The following ZNF585B variants were observed in gnomAD, a reference collection of about 807,000 sequenced individuals.
ZNF585B encodes the protein zinc finger protein 41-like protein.
Under a neutral mutation model 14.0 loss-of-function variants are expected in ZNF585B, and 7 were observed. The observed-to-expected ratio is 0.50, with a 90% confidence interval of 0.28 to 0.94. The LOEUF is 0.94. Ranked by LOEUF, ZNF585B falls within the 40% of genes least tolerant of loss-of-function variation. The pLI is 0.09. For missense variants in ZNF585B, 750 were observed against 924.4 expected, an observed-to-expected ratio of 0.81 and a Z score of 2.45; for synonymous variants, 290 against 317.3, an observed-to-expected ratio of 0.91 and a Z score of 0.91.
Position 37,187,060 on chromosome 19 carries a change from T to C in ZNF585B, c.477A>G (p.Val159=). The stretch of plus-strand genomic sequence containing the variant: ...CAAAAGCCCTCCCACATTCAATACA[T>C]ACATAGAGTTTTTCTCCTGTAGGAA... ...LKVPTGEKLY[V]CIECGRAFVQ... The change falls in exon 5 of 5, where the codon GTA becomes GTG. Residue 159 remains valine, a synonymous_variant. Coordinates refer to ENST00000532828, the MANE Select transcript of ZNF585B (RefSeq NM_152279.4). 9 of 1,613,686 alleles carry C rather than the reference T, an allele frequency of 5.6e-6. No individual in the cohort carries two copies. Among genetic ancestry groups the C allele is most frequent in the Non-Finnish European group, 6.8e-6 (8 of 1,179,914 alleles).
rs1972595077 is a variant in ZNF585B at position 37,207,112 on chromosome 19, G to A, written c.-1C>T. On this transcript the variant is annotated 5_prime_UTR_variant, in exon 2 of 5. Coordinates refer to ENST00000532828, the MANE Select transcript of ZNF585B (RefSeq NM_152279.4). The stretch of plus-strand genomic sequence containing the variant: ...GGGGTGAGGTCCAACTAGCTGGCAT[G>A]GCCACACTGGATCTCAACCCTTTTT... 6.2e-7 allele frequency: 1 copy of A among 1,614,088 alleles called. No homozygotes were observed.
chr19:37,192,407 C>T (rs1319499266), intron 2 of ZNF585B, among the ~76,000 whole-genome samples: 1 of 151,870 alleles, frequency 6.6e-6, no homozygotes. Context: ...GGGGACATTG[C>T]CCAGCAAAGA....
At chr19:37,200,798 G>GA (rs1392971749) in intron 2 of ZNF585B, among the ~76,000 whole-genome samples, 3 of 148,722 alleles carry the variant, frequency 2.0e-5, no homozygotes, top group African/African-American at 7.4e-5. Context: ...AAGAACAAAA[G>GA]AAAAAACAGA....
intron 2 of ZNF585B, chr19:37,199,351 A>T (rs1053408327): frequency 8.5e-6 from 3 of 354,146 alleles, no homozygotes; most frequent in Admixed American, 3.6e-5. Context: ...ACATGGTGAA[A>T]CTGTCTCTAC....
At chr19:37,207,973 C>T (rs1972604229) in intron 1 of ZNF585B, among the ~76,000 whole-genome samples, 1 of 151,994 alleles carries the variant, frequency 6.6e-6, no homozygotes, top group Non-Finnish European at 1.5e-5. Flanking sequence ...CTCCACCTCA[C>T]ACAATATTTT....
intron 2 of ZNF585B, among the ~76,000 whole-genome samples, chr19:37,196,971 G>A (rs766860907): frequency 5.3e-5 from 8 of 152,178 alleles, no homozygotes; most frequent in Non-Finnish European, 1.0e-4. Context: ...GTATAATTGC[G>A]GTTTCTGCCA....
chr19:37,209,564 T>C (rs1972623902), intron 1 of ZNF585B, among the ~76,000 whole-genome samples: 2 of 152,024 alleles, frequency 1.3e-5, no homozygotes, highest in South Asian at 4.1e-4. Context: ...ATATATAACA[T>C]ATGATTAATA....
At chr19:37,188,396 G>T (rs1041058552) in intron 4 of ZNF585B, among the ~76,000 whole-genome samples, 13 of 152,328 alleles carry the variant, frequency 8.5e-5, no homozygotes, top group Admixed American at 8.5e-4. Flanking sequence ...TGAGGCAAGA[G>T]AATCGCTTGA....
At chr19:37,190,380 G>C in intron 2 of ZNF585B, 1 of 403,114 alleles carries the variant, frequency 2.5e-6, no homozygotes, top group Non-Finnish European at 4.4e-6. Flanking sequence ...TGAGTAGCTG[G>C]GATTACAGGC....
intron 2 of ZNF585B, among the ~76,000 whole-genome samples, chr19:37,190,627 G>C (rs187777477): frequency 7.3e-5 from 11 of 149,848 alleles, no homozygotes; most frequent in Admixed American, 4.0e-4. Flanking sequence ...GTGCAATGGC[G>C]TGATCTTGGC....
intron 3 of ZNF585B, 27 bp from the exon 4 acceptor site, chr19:37,189,780 G>A: frequency 6.2e-7 from 1 of 1,613,750 alleles, no homozygotes; most frequent in Non-Finnish European, 8.5e-7. Flanking sequence ...ATAAAGGTCT[G>A]GGTCCAGCTA....
chr19:37,192,506 CAA>C (rs373034059), intron 2 of ZNF585B, among the ~76,000 whole-genome samples: 6 of 127,786 alleles, frequency 4.7e-5, no homozygotes, highest in Admixed American at 8.0e-5. Context: ...GAACCTGTCT[CAA>C]AAAAAAAAAA....
At chr19:37,187,803 G>GGT (rs1972355977) in intron 4 of ZNF585B, among the ~76,000 whole-genome samples, 2 of 152,088 alleles carry the variant, frequency 1.3e-5, no homozygotes, top group African/African-American at 2.4e-5. Context: ...TCATGAGAAG[G>GGT]GTGTGACACT....
chr19:37,187,059 A>G lies in ZNF585B; in HGVS notation c.478T>C (p.Cys160Arg), dbSNP rs771018129. The change falls in exon 5 of 5, where the codon TGT (cysteine) becomes CGT (arginine). Residue 160 changes from cysteine to arginine, a missense_variant. Physicochemically the swap from Cys to Arg is radical, Grantham distance 180. Transcript: ENST00000532828. Reference protein sequence around the residue: ...KVPTGEKLYVCIECGRAFVQK... With the variant: ...KVPTGEKLYVRIECGRAFVQK... ...ACAAAAGCCCTCCCACATTCAATAC[A>G]TACATAGAGTTTTTCTCCTGTAGGA... The G allele has an allele frequency of 3.1e-6, 5 of 1,613,606 alleles. No individual in the cohort carries two copies. Among genetic ancestry groups the G allele is most frequent in the Admixed American group, 1.7e-5 (1 of 59,876 alleles).
In ZNF585B at chr19:37,190,123, T is replaced by C. The variant is rs539951974; in HGVS notation, c.100A>G (p.Ile34Val). ...CGCCATTCCTCTCTGCTGAAATCGA[T>C]AGCCACATCCCTGAAGGACACTGAT... ...EGSVSFRDVAIDFSREEWRHL... is the reference protein window; with the variant it reads ...EGSVSFRDVAVDFSREEWRHL... Residue 34 changes from isoleucine (I) to valine (V), a missense_variant, in exon 3 of 5, where the codon ATC becomes GTC. Transcript: ENST00000532828. The C allele has an allele frequency of 3.1e-6, 5 of 1,614,212 alleles. No individual in the cohort carries two copies. The highest frequency in any genetic ancestry group is 1.6e-4 in the Middle Eastern group (1 of 6,062).
At chr19:37,187,315 T>C in intron 4 of ZNF585B, 71 bp from the exon 5 acceptor site, 8 of 1,155,720 alleles carry the variant, frequency 6.9e-6, no homozygotes, top group Non-Finnish European at 9.7e-6. Flanking sequence ...TAACATTCTT[T>C]GAAGCATCGT....
chr19:37,186,724 G>A lies in ZNF585B; in HGVS notation c.813C>T (p.Ile271=). Residue 271 remains isoleucine (I), a synonymous_variant, in exon 5 of 5, where the codon ATC becomes ATT. Transcript: ENST00000532828. ...TGAAGGCCTGCCCGCATTCAATACAGATGTAGGATCTCTCGCCTGTATGGA... is the reference window on the plus strand; with the variant it reads ...TGAAGGCCTGCCCGCATTCAATACAAATGTAGGATCTCTCGCCTGTATGGA... ...QKIHTGERSY[I]CIECGQAFIQ... is the part of the protein sequence containing the mutation. 2 of 1,614,190 alleles carry A rather than the reference G, an allele frequency of 1.2e-6. No homozygotes were observed. Among genetic ancestry groups the A allele is most frequent in the Non-Finnish European group, 1.7e-6 (2 of 1,180,032 alleles).
intron 1 of ZNF585B, among the ~76,000 whole-genome samples, chr19:37,208,370 T>C (rs1972609392): frequency 6.6e-6 from 1 of 152,154 alleles, no homozygotes; most frequent in Non-Finnish European, 1.5e-5. Flanking sequence ...TTTCAGACTA[T>C]ATATTTGTAT....
Position 37,210,488 on chromosome 19 carries a change from T to G in ZNF585B, c.-191A>C, listed in dbSNP as rs1425547480. ...CGGCATTAAAACGTGAAAATAGTCC[T>G]GACGCCAGCGGCGAAATAGCCTTCG... is the stretch of plus-strand genomic sequence containing the variant. On this transcript the variant is annotated 5_prime_UTR_variant, in exon 1 of 5. Coordinates refer to ENST00000532828, the MANE Select transcript of ZNF585B (RefSeq NM_152279.4). The G allele has an allele frequency of 6.6e-6, 1 of 152,282 alleles. No homozygotes were observed. The highest frequency in any genetic ancestry group is 2.4e-5 in the African/African-American group (1 of 41,460). The allele number at this position is 152,282 out of a possible 1,614,324, so 9.4% of individuals were successfully genotyped here. A position where few individuals can be genotyped will look rare whatever the true frequency, so the allele number is the denominator to read the frequency against.
Sources: gnomAD v4.1 joint callset for allele counts (sites outside exome capture counted in the v4.1 genomes callset) on GRCh38, gnomAD v4.1.1 for gene constraint, MANE v1.5 for transcripts, NCBI Gene and HGNC (gene_info 2026-07-23, HGNC 2026-07-21) for gene names.